The following BMPER variants were observed in gnomAD, a reference collection of about 807,000 sequenced individuals.
BMPER encodes BMP binding endothelial regulator, also known as BMP-binding endothelial regulator protein.
A neutral mutation model predicts 87.3 loss-of-function variants in BMPER; 45 were observed. The ratio of observed to expected loss-of-function variants is 0.52; its 90% confidence interval spans 0.41 to 0.66. The LOEUF (loss-of-function observed/expected upper bound fraction) is 0.66. Ranked by LOEUF, BMPER falls within the 30% of genes least tolerant of loss-of-function variation. BMPER has a pLI of 0.00. For missense variants in BMPER, 784 were observed against 867.5 expected (o/e 0.90, Z 1.21); for synonymous variants, 326 against 316.2 (o/e 1.03, Z -0.33).
intron 5 of BMPER, 98 bp downstream of exon 5, chr7:33,970,517 A>T: frequency 1.6e-6 from 2 of 1,229,714 alleles, no homozygotes; most frequent in Non-Finnish European, 2.4e-6. Flanking sequence ...TCCTCACTTT[A>T]CATCTGTGTA....
At chr7:34,035,203 C>CGGAGTG (rs1446990765) in intron 6 of BMPER, among the ~76,000 whole-genome samples, 2 of 152,136 alleles carry the variant, frequency 1.3e-5, no homozygotes, top group Non-Finnish European at 2.9e-5. Flanking sequence ...ATGGAGGCCA[C>CGGAGTG]GGAGTGTTTA....
Position 34,141,165 on chromosome 7 carries a change from AC to A in BMPER, c.1746-2064del, listed in dbSNP as rs1173820880. Among the ~76,000 whole-genome samples the A allele has an allele frequency of 2.0e-5, 3 of 152,228 alleles. No homozygotes were observed. In the East Asian group the frequency reaches 5.8e-4, roughly 29 times the overall value. ...GGGAGATTCATACACTGGCATTTAG[AC>A]GCCATTTTAAGGACAAGCTTTATTT... On this transcript the variant is annotated intron_variant, in intron 13 of 14. Coordinates refer to ENST00000649409, the MANE Select transcript of BMPER (RefSeq NM_001365308.1).
At position 33,974,768 on chromosome 7, in the gene BMPER, C is replaced by A; in HGVS notation, c.560C>A (p.Thr187Asn). ...EEFQPEGSKC[T>N]KCSCTGGRTQ... The stretch of plus-strand genomic sequence containing the variant: ...TTTCAGCCAGAAGGAAGCAAATGTA[C>A]CAAGTGTTCCTGCACTGTAAGTCCT... The change falls in exon 6 of 15, where the codon ACC becomes AAC. Residue 187 changes from threonine (T) to asparagine (N), a missense_variant. Thr to Asn is a moderately conservative substitution (Grantham distance 65). Transcript: ENST00000649409. The A allele has an allele frequency of 6.2e-7, 1 of 1,614,008 alleles. No individual in the cohort carries two copies. The highest frequency in any genetic ancestry group is 8.5e-7 in the Non-Finnish European group (1 of 1,179,922).
intron 6 of BMPER, among the ~76,000 whole-genome samples, chr7:34,002,257 C>T (rs976340593): frequency 1.3e-5 from 2 of 151,706 alleles, no homozygotes; most frequent in South Asian, 2.1e-4. Context: ...AACTGTACTT[C>T]TAATACCCAT....
intron 2 of BMPER, among the ~76,000 whole-genome samples, chr7:33,933,502 A>G (rs1784529422): frequency 7.5e-6 from 1 of 133,038 alleles, no homozygotes; most frequent in African/African-American, 2.9e-5. Context: ...TTTTGCTACC[A>G]TTTCTCTTGT....
intron 6 of BMPER, among the ~76,000 whole-genome samples, chr7:34,014,533 A>T (rs566830862): frequency 3.9e-5 from 6 of 152,002 alleles, no homozygotes; most frequent in African/African-American, 1.4e-4. Context: ...AAAGCAGCCC[A>T]TTCATCCCTG....
intron 5 of BMPER, among the ~76,000 whole-genome samples, chr7:33,970,881 A>C (rs1437476322): frequency 6.6e-6 from 1 of 151,900 alleles, no homozygotes; most frequent in Non-Finnish European, 1.5e-5. Context: ...AACAAGGTGG[A>C]CCCTCTTGTC....
At chr7:33,940,534 A>G (rs1784725988) in intron 3 of BMPER, among the ~76,000 whole-genome samples, 1 of 152,222 alleles carries the variant, frequency 6.6e-6, no homozygotes, top group Admixed American at 6.5e-5. Flanking sequence ...AAGGAATCCC[A>G]GTAAACCTCT....
At chr7:34,082,256 A>G (rs1297849294) in intron 12 of BMPER, among the ~76,000 whole-genome samples, 1 of 150,394 alleles carries the variant, frequency 6.6e-6, no homozygotes, top group Non-Finnish European at 1.5e-5. Flanking sequence ...CCCTTCCATG[A>G]TGTTTTCATC....
chr7:33,986,577 A>G (rs980001834), intron 6 of BMPER, among the ~76,000 whole-genome samples: 2 of 152,148 alleles, frequency 1.3e-5, no homozygotes, highest in African/African-American at 4.8e-5. Flanking sequence ...TGAAAGATTC[A>G]TGATAAATCT....
intron 6 of BMPER, among the ~76,000 whole-genome samples, chr7:34,013,824 C>T (rs956584167): frequency 3.3e-5 from 5 of 151,880 alleles, no homozygotes; most frequent in Admixed American, 2.0e-4. Context: ...TTATAGCAGC[C>T]ATCAGTGGTT....
At chr7:34,028,336 T>C (rs1787413789) in intron 6 of BMPER, among the ~76,000 whole-genome samples, 1 of 152,058 alleles carries the variant, frequency 6.6e-6, no homozygotes, top group Admixed American at 6.6e-5. Context: ...GTTATTTATG[T>C]TAGCATGAAA....
At chr7:34,144,708 C>A (rs1440282531) in intron 14 of BMPER, among the ~76,000 whole-genome samples, 4 of 152,044 alleles carry the variant, frequency 2.6e-5, no homozygotes, top group Non-Finnish European at 5.9e-5. Context: ...TCAAGGGTAG[C>A]TGCTGTTGTT....
intron 13 of BMPER, among the ~76,000 whole-genome samples, chr7:34,127,697 G>C (rs1329082606): frequency 1.3e-5 from 2 of 152,150 alleles, no homozygotes; most frequent in African/African-American, 4.8e-5. Flanking sequence ...ATCTCCAGAT[G>C]CATCTTTGAC....
At chr7:33,946,030 AC>A (rs1312234259) in intron 3 of BMPER, among the ~76,000 whole-genome samples, 1 of 152,130 alleles carries the variant, frequency 6.6e-6, no homozygotes, top group African/African-American at 2.4e-5. Context: ...ATAAGGAAAT[AC>A]CCAAGACTGG....
At chr7:33,919,607 G>T (rs1371428291) in intron 2 of BMPER, among the ~76,000 whole-genome samples, 1 of 152,188 alleles carries the variant, frequency 6.6e-6, no homozygotes, top group Non-Finnish European at 1.5e-5. Flanking sequence ...ATGTGGGAAT[G>T]GCATTGCAGG....
intron 6 of BMPER, among the ~76,000 whole-genome samples, chr7:33,999,796 G>A (rs1318434405): frequency 6.6e-6 from 1 of 152,166 alleles, no homozygotes; most frequent in Non-Finnish European, 1.5e-5. Flanking sequence ...AGGAGGGCAG[G>A]GAGGCCATAG....
intron 6 of BMPER, among the ~76,000 whole-genome samples, chr7:34,045,493 G>A (rs1787938201): frequency 1.3e-5 from 2 of 152,160 alleles, no homozygotes; most frequent in African/African-American, 4.8e-5. Context: ...GAGGTATGGA[G>A]TGCTGGAGAA....
In BMPER at chr7:34,052,939, T is replaced by C. The variant is rs114618176; in HGVS notation, c.786+969T>C. ...TCCTCCCATGGTTTGTGTTATCCTA[T>C]GCTAAATGTATAGCACCCGCTTCTT... On this transcript the variant is annotated intron_variant, in intron 8 of 14. Transcript: ENST00000649409. Among the ~76,000 whole-genome samples the C allele has an allele frequency of 8.9e-3, 1,358 of 152,312 alleles. 19 individuals carry two copies. Among genetic ancestry groups the C allele is most frequent in the African/African-American group, 0.031 (1,286 of 41,570 alleles).
Sources: allele counts gnomAD v4.1 joint callset (sites outside exome capture counted in the v4.1 genomes callset), GRCh38; gene constraint gnomAD v4.1.1; transcripts MANE v1.5; gene names NCBI Gene and HGNC (gene_info 2026-07-23, HGNC 2026-07-21).